MYO6: variants seen among roughly 807,000 people sequenced by gnomAD.
MYO6 encodes unconventional myosin-VI.
MYO6 carries 74 observed loss-of-function variants against 178.7 expected under a neutral mutation model. That is an observed-to-expected ratio of 0.41 (90% CI 0.34 to 0.50). The LOEUF (loss-of-function observed/expected upper bound fraction) is 0.50. MYO6 is among the 20% of genes least tolerant of loss of function. The pLI, the probability that MYO6 is intolerant of heterozygous loss-of-function variation, is 0.09. For synonymous variants in MYO6, 477 were observed against 504.6 expected (o/e 0.95, Z 0.73); for missense variants, 1,330 against 1,547.4 (o/e 0.86, Z 2.36).
rs1490446690 is a variant in MYO6, at chr6:75,855,199, G to A, written c.1139G>A (p.Gly380Asp). 7 of 1,613,454 alleles carry A rather than the reference G, an allele frequency of 4.3e-6. No homozygotes were observed. Among genetic ancestry groups the A allele is most frequent in the East Asian group, 2.2e-5 (1 of 44,844 alleles). The change falls in exon 12 of 35, where the codon GGT becomes GAT. Residue 380 changes from glycine to aspartate, a missense_variant. Around this residue, in one of 3 missense-constraint regions of MYO6, gnomAD observed 613 missense variants for 816.8 expected, o/e 0.75. Transcript: ENST00000369977. ...TTGGAATATTGTGCTGAATTACTGG[G>A]TTTGGACCAAGATGATCTTCGAGTA... ...QSLEYCAELL[G>D]LDQDDLRVSL... is the part of the protein sequence containing the mutation.
chr6:75,857,439 C>G (rs1234100430), intron 13 of MYO6, among the ~76,000 whole-genome samples, 185 bp downstream of exon 13: 1 of 152,060 alleles, frequency 6.6e-6, no homozygotes, highest in Admixed American at 6.6e-5. Context: ...AGAGGAAAGA[C>G]TCGTGGGGAT....
chr6:75,876,664 T>C (rs1673323417), intron 20 of MYO6, among the ~76,000 whole-genome samples: 1 of 152,170 alleles, frequency 6.6e-6, no homozygotes, highest in Non-Finnish European at 1.5e-5. Flanking sequence ...TAGCTAGGAT[T>C]CCTCTTTCAA....
chr6:75,830,591 G>A, intron 5 of MYO6, 46 bp downstream of exon 5: 2 of 1,561,754 alleles, frequency 1.3e-6, no homozygotes, highest in Non-Finnish European at 1.8e-6. Context: ...TCTTTATATT[G>A]TACAAATTTA....
At chr6:75,815,162 A>G (rs1159441514) in intron 1 of MYO6, among the ~76,000 whole-genome samples, 1 of 152,216 alleles carries the variant, frequency 6.6e-6, no homozygotes, top group Non-Finnish European at 1.5e-5. Context: ...CTAAGACGGT[A>G]GAGGAGATGC....
At chr6:75,886,366 C>G (rs561883489) in intron 24 of MYO6, among the ~76,000 whole-genome samples, 49 of 152,184 alleles carry the variant, frequency 3.2e-4, no homozygotes, top group Middle Eastern at 3.4e-3. Context: ...GAGAGAAGCT[C>G]TTTTATTCTG....
chr6:75,817,305 A>G (rs1037582604), intron 1 of MYO6, among the ~76,000 whole-genome samples, 196 bp from the exon 2 acceptor site: 3 of 126,036 alleles, frequency 2.4e-5, no homozygotes, highest in Admixed American at 7.6e-5. Context: ...ATTCCGTCTC[A>G]AAAAAAAAAA....
In MYO6 at chr6:75,866,584, T is replaced by A. The variant is rs937514167; in HGVS notation, c.1733T>A (p.Ile578Asn). The A allele has an allele frequency of 1.9e-6, 3 of 1,613,958 alleles. No homozygotes were observed. The highest frequency in any genetic ancestry group is 2.7e-5 in the African/African-American group (2 of 74,914). The change falls in exon 17 of 35, where the codon ATT (isoleucine) becomes AAT (asparagine). Residue 578 changes from isoleucine to asparagine, a missense_variant. Physicochemically the swap from Ile to Asn is moderately radical, Grantham distance 149 (BLOSUM62 -3). This residue lies in a region of MYO6 where 613 missense variants were observed against 816.8 expected (regional missense o/e 0.75). Coordinates refer to ENST00000369977, the MANE Select transcript of MYO6 (RefSeq NM_004999.4). The stretch of plus-strand genomic sequence containing the variant: ...AATATCAGAGACGACGAAGGCTTCA[T>A]TATCAGGCATTTTGCGGGGGCAGTG... ...HRNIRDDEGFIIRHFAGAVCY... is the reference protein window; with the variant it reads ...HRNIRDDEGFNIRHFAGAVCY...
At chr6:75,791,902 A>G (rs1419426281) in intron 1 of MYO6, among the ~76,000 whole-genome samples, 1 of 152,160 alleles carries the variant, frequency 6.6e-6, no homozygotes, top group Non-Finnish European at 1.5e-5. Context: ...GTTAAGTAAT[A>G]TTTATTAAAA....
intron 1 of MYO6, among the ~76,000 whole-genome samples, chr6:75,802,840 A>G (rs376366336): frequency 2.6e-5 from 4 of 152,146 alleles, no homozygotes; most frequent in African/African-American, 9.7e-5. Context: ...TTCTGGGTGT[A>G]TCATTGGATA....
chr6:75,839,356 T>A (rs994456022), intron 7 of MYO6, among the ~76,000 whole-genome samples: 2 of 151,560 alleles, frequency 1.3e-5, no homozygotes, highest in Non-Finnish European at 2.9e-5. Flanking sequence ...GCCTGGCTAA[T>A]TTTTTATATT....
intron 1 of MYO6, among the ~76,000 whole-genome samples, chr6:75,771,842 T>C (rs1481277629): frequency 2.0e-5 from 3 of 152,138 alleles, no homozygotes; most frequent in South Asian, 2.1e-4. Flanking sequence ...CAATTACTTA[T>C]CTTTTTTAAA....
intron 3 of MYO6, among the ~76,000 whole-genome samples, chr6:75,824,169 A>G (rs1365602102): frequency 6.6e-6 from 1 of 152,154 alleles, no homozygotes; most frequent in Non-Finnish European, 1.5e-5. Flanking sequence ...ATAGTTTTTA[A>G]TCCATTTCTT....
At chr6:75,804,634 T>C (rs780370651) in intron 1 of MYO6, among the ~76,000 whole-genome samples, 7 of 152,052 alleles carry the variant, frequency 4.6e-5, no homozygotes, top group Non-Finnish European at 1.0e-4. Context: ...CCTTGTCTCT[T>C]TTTGCTCACC....
intron 1 of MYO6, among the ~76,000 whole-genome samples, chr6:75,783,556 CTT>C (rs199499336): frequency 3.6e-4 from 46 of 127,566 alleles, no homozygotes; most frequent in Non-Finnish European, 3.8e-4. Flanking sequence ...TTGATATCTT[CTT>C]TTTTTTTTTT....
intron 1 of MYO6, among the ~76,000 whole-genome samples, chr6:75,777,435 C>CT (rs899369646): frequency 6.8e-5 from 10 of 146,720 alleles, no homozygotes; most frequent in East Asian, 3.9e-4. Context: ...TCTTTTCTTT[C>CT]TTTTTTTTTT....
At chr6:75,869,842 G>A (rs1373518546) in intron 18 of MYO6, among the ~76,000 whole-genome samples, 1 of 152,036 alleles carries the variant, frequency 6.6e-6, no homozygotes, top group African/African-American at 2.4e-5. Context: ...GGCAGGGTGC[G>A]GTGGCTCATG....
At chr6:75,818,536 C>T (rs1382195420) in intron 2 of MYO6, among the ~76,000 whole-genome samples, 2 of 152,122 alleles carry the variant, frequency 1.3e-5, no homozygotes, top group Non-Finnish European at 2.9e-5. Flanking sequence ...GTTCTTCTGA[C>T]TAAATTAAAT....
chr6:75,895,249 C>A lies in MYO6; in HGVS notation c.3126C>A (p.Pro1042=). 1 of 1,606,366 alleles carries A rather than the reference C, an allele frequency of 6.2e-7. No individual in the cohort carries two copies. Among genetic ancestry groups the A allele is most frequent in the African/African-American group, 1.3e-5 (1 of 74,818 alleles). Residue 1042 remains proline (P), a synonymous_variant, in exon 29 of 35, where the codon CCC becomes CCA. Coordinates refer to ENST00000369977, the MANE Select transcript of MYO6 (RefSeq NM_004999.4). ...LALRRNDGTR[P]KMTPEQMAKE... is the part of the protein sequence containing the mutation. Reference sequence around the variant, plus strand: ...TTCACAGAAATGATGGAACAAGACCCAAAATGACACCGTATGTCACTTACC... The same window carrying A: ...TTCACAGAAATGATGGAACAAGACCAAAAATGACACCGTATGTCACTTACC...
chr6:75,821,957 A>G (rs1771917093), intron 2 of MYO6, among the ~76,000 whole-genome samples: 1 of 152,032 alleles, frequency 6.6e-6, no homozygotes. Context: ...ATTTTTTGGT[A>G]TTTTTTATAT....
Sources: allele counts gnomAD v4.1 joint callset (sites outside exome capture counted in the v4.1 genomes callset), GRCh38; gene constraint gnomAD v4.1.1; regional missense constraint gnomAD v4.1.1; transcripts MANE v1.5; gene names NCBI Gene and HGNC (gene_info 2026-07-23, HGNC 2026-07-21).